AP1B1: variants seen among roughly 807,000 people sequenced by gnomAD.
The protein encoded by AP1B1 is adaptor related protein complex 1 subunit beta 1, also known as AP-1 complex subunit beta-1.
AP1B1 carries 36 observed loss-of-function variants against 104.3 expected under a neutral mutation model. That is an observed-to-expected ratio of 0.35 (90% confidence interval 0.26 to 0.46). The LOEUF is 0.46. AP1B1 is among the 20% of genes least tolerant of loss of function. The pLI, the probability that AP1B1 is intolerant of heterozygous loss-of-function variation, is 1.00. For synonymous variants in AP1B1, 504 were observed against 517.5 expected, an observed-to-expected ratio of 0.97 and a Z score of 0.35; for missense variants, 901 against 1,247.9, an observed-to-expected ratio of 0.72 and a Z score of 4.19.
At chr22:29,386,472 C>A (rs1460131752) in intron 1 of AP1B1, among the ~76,000 whole-genome samples, 1 of 152,210 alleles carries the variant, frequency 6.6e-6, no homozygotes, top group African/African-American at 2.4e-5. Flanking sequence ...TCTAAGAGGT[C>A]AGAGGAGACT....
chr22:29,366,753 C>G (rs764252965), intron 2 of AP1B1, among the ~76,000 whole-genome samples: 1 of 150,808 alleles, frequency 6.6e-6, no homozygotes, highest in Non-Finnish European at 1.5e-5. Context: ...GAGCCAAGAT[C>G]GCACCACTGC....
In AP1B1 at chr22:29,340,804, TC is replaced by T. The variant is rs1444082262; in HGVS notation, c.1849del (p.Glu617SerfsTer25). 1 of 1,600,474 alleles carries T rather than the reference TC, an allele frequency of 6.2e-7. No homozygotes were observed. The highest frequency in any genetic ancestry group is 1.7e-5 in the Admixed American group (1 of 57,328). ...CTGGGCGGGGATGACATCTGGCTGC[TC>T]CCCAGGAGGTGCTCCAGTAGGGGCT... ...ETAPTGAPPG[E>X]QPDVIPAQGD... is the part of the protein sequence containing the mutation. On this transcript the variant is annotated frameshift_variant, in exon 14 of 23. Transcript: ENST00000357586. LOFTEE classifies it high-confidence loss of function.
At chr22:29,361,273 C>A (rs182910284) in intron 3 of AP1B1, among the ~76,000 whole-genome samples, 58 of 152,272 alleles carry the variant, frequency 3.8e-4, no homozygotes, top group Admixed American at 3.0e-3. Context: ...GGCAGGAGGT[C>A]CTTTGCTTGG....
intron 1 of AP1B1, among the ~76,000 whole-genome samples, chr22:29,369,864 C>T (rs2062204266): frequency 2.3e-5 from 3 of 132,650 alleles, no homozygotes; most frequent in African/African-American, 8.8e-5. Flanking sequence ...TTTTTGCACA[C>T]ACATAAAGCC....
At position 29,331,516 on chromosome 22, in the gene AP1B1, G is replaced by A; in HGVS notation, c.2457C>T (p.Asn819=). ...AGGTGCTGAAGTAGAAGACATCGAT[G>A]TTGTTCTTCACGGCCACCTAGGCAC... ...LNNLQVAVKN[N]IDVFYFSTLY... Residue 819 remains asparagine, a synonymous_variant, in exon 19 of 23, where the codon AAC becomes AAT. Transcript: ENST00000357586. 6.2e-7 allele frequency: 1 copy of A among 1,614,204 alleles called. No individual in the cohort carries two copies. Among genetic ancestry groups the A allele is most frequent in the Non-Finnish European group, 8.5e-7 (1 of 1,180,040 alleles).
At chr22:29,345,277 C>T (rs1032363097) in intron 11 of AP1B1, among the ~76,000 whole-genome samples, 5 of 149,712 alleles carry the variant, frequency 3.3e-5, no homozygotes, top group Non-Finnish European at 5.9e-5. Flanking sequence ...AGGTTGGTCT[C>T]GAACTCCTGG....
At chr22:29,345,881 C>T (rs2061785920) in intron 11 of AP1B1, among the ~76,000 whole-genome samples, 1 of 152,080 alleles carries the variant, frequency 6.6e-6, no homozygotes, top group African/African-American at 2.4e-5. Flanking sequence ...GACGGGGTTT[C>T]ATTATGTTGG....
intron 18 of AP1B1, 22 bp from the exon 19 acceptor site, chr22:29,331,555 G>C: frequency 6.2e-7 from 1 of 1,613,874 alleles, no homozygotes; most frequent in Non-Finnish European, 8.5e-7. Context: ...GGGGTCCCCA[G>C]TCAGTCTCTG....
intron 1 of AP1B1, among the ~76,000 whole-genome samples, chr22:29,379,258 CAGG>C (rs1268335052): frequency 5.3e-5 from 8 of 152,230 alleles, no homozygotes; most frequent in Non-Finnish European, 1.0e-4. Flanking sequence ...GAGTCTCAGG[CAGG>C]AGAATTGCTT....
At chr22:29,334,796 C>T (rs1259306533) in intron 16 of AP1B1, among the ~76,000 whole-genome samples, 3 of 152,214 alleles carry the variant, frequency 2.0e-5, no homozygotes, top group Non-Finnish European at 2.9e-5. Flanking sequence ...GGACAGAGCT[C>T]AGTGCCCAAT....
chr22:29,334,534 C>G, intron 16 of AP1B1, 124 bp from the exon 17 acceptor site: 1 of 1,056,636 alleles, frequency 9.5e-7, no homozygotes, highest in Non-Finnish European at 1.3e-6. Context: ...CCAGCACCCC[C>G]ACCTTTACTG....
Position 29,364,092 on chromosome 22 carries a change from T to G in AP1B1, c.38-986A>C, listed in dbSNP as rs532937966. Among the ~76,000 whole-genome samples the G allele has an allele frequency of 2.0e-5, 3 of 152,308 alleles. No individual in the cohort carries two copies. The South Asian group carries it at 6.2e-4, about 32-fold the overall frequency. On this transcript the variant is annotated intron_variant, in intron 2 of 22. Transcript: ENST00000357586. ...AAGACCCTTAAAAGGCTCAGTGCAA[T>G]AGAACCTGAGTACTTAAGGCTTGCG...
At chr22:29,343,466 T>C (rs1416180025) in intron 11 of AP1B1, among the ~76,000 whole-genome samples, 1 of 152,200 alleles carries the variant, frequency 6.6e-6, no homozygotes, top group East Asian at 1.9e-4. Flanking sequence ...TTTGGTTACA[T>C]GGGGGCCAGC....
chr22:29,334,387 A>G lies in AP1B1; in HGVS notation c.2187T>C (p.Ala729=). The change falls in exon 17 of 23, where the codon GCT becomes GCC. Residue 729 remains alanine, a synonymous_variant. Coordinates refer to ENST00000357586, the MANE Select transcript of AP1B1 (RefSeq NM_001127.4). The part of the protein sequence containing the change: ...PKAVWLPAMK[A]KGLEISGTFT... ...AGGTGCCTGAGATCTCCAGCCCCTT[A>G]GCCTTCATGGCTGGGAGCCAGACCT... 6.2e-7 allele frequency: 1 copy of G among 1,607,080 alleles called. No homozygotes were observed. The highest frequency in any genetic ancestry group is 8.5e-7 in the Non-Finnish European group (1 of 1,177,750).
intron 7 of AP1B1, among the ~76,000 whole-genome samples, chr22:29,354,160 T>C (rs1273710798): frequency 2.0e-5 from 3 of 152,204 alleles, no homozygotes; most frequent in Admixed American, 1.3e-4. Flanking sequence ...CTCAGAGAGT[T>C]TGACTAGAGC....
chr22:29,356,695 G>GGTCA, intron 5 of AP1B1, 79 bp from the exon 6 acceptor site: 1 of 1,347,954 alleles, frequency 7.4e-7, no homozygotes, highest in Non-Finnish European at 1.0e-6. Context: ...GATGCTGGCT[G>GGTCA]GTCAGAGGTC....
At chr22:29,353,515 C>T (rs2061909335) in intron 7 of AP1B1, among the ~76,000 whole-genome samples, 3 of 152,188 alleles carry the variant, frequency 2.0e-5, no homozygotes, top group Admixed American at 1.3e-4. Context: ...GCATTAAATC[C>T]GTGACCCAAG....
intron 11 of AP1B1, among the ~76,000 whole-genome samples, chr22:29,344,920 G>A (rs547146776): frequency 3.2e-4 from 49 of 152,268 alleles, no homozygotes; most frequent in African/African-American, 1.1e-3. Flanking sequence ...TGTCAAGCCC[G>A]GTGCAGTGGT....
At chr22:29,351,935 G>A in intron 7 of AP1B1, 110 bp from the exon 8 acceptor site, 2 of 1,405,584 alleles carry the variant, frequency 1.4e-6, no homozygotes, top group South Asian at 1.3e-5. Context: ...GGAGCCTGAT[G>A]TCTGTGAAGG....
Sources: gnomAD v4.1 joint callset for allele counts (sites outside exome capture counted in the v4.1 genomes callset) on GRCh38, gnomAD v4.1.1 for gene constraint, MANE v1.5 for transcripts, NCBI Gene and HGNC (gene_info 2026-07-23, HGNC 2026-07-21) for gene names.